OSBP2: variants seen among roughly 807,000 people sequenced by gnomAD.
The protein encoded by OSBP2 is oxysterol-binding protein 2.
Under a neutral mutation model 96.0 loss-of-function variants are expected in OSBP2, and 66 were observed. That is an observed-to-expected ratio of 0.69 (90% CI 0.56 to 0.84). The LOEUF is 0.84. Among genes scored for constraint, OSBP2 ranks in the 40% least tolerant of loss-of-function variants. OSBP2 has a pLI of 0.00. For synonymous variants in OSBP2, 525 were observed against 520.9 expected (o/e 1.01, Z -0.11); for missense variants, 1,038 against 1,222.7 (o/e 0.85, Z 2.25).
chr22:30,744,761 AAAACAAACAAAC>A (rs371095235), intron 2 of OSBP2, among the ~76,000 whole-genome samples: 1 of 152,014 alleles, frequency 6.6e-6, no homozygotes, highest in Non-Finnish European at 1.5e-5. Context: ...ACTCTGTCTC[AAAACAAACAAAC>A]AAACAAACAA....
Position 30,695,258 on chromosome 22 carries a change from G to A in OSBP2, c.349G>A (p.Gly117Arg), listed in dbSNP as rs2089005931. ...GSESSSGVGA[G>R]PFTKAASEPL... is the part of the protein sequence containing the mutation. ...AGAGTCAAGCTCAGGTGTAGGGGCT[G>A]GGCCCTTCACTAAGGCCGCATCGGA... is the stretch of plus-strand genomic sequence containing the variant. Residue 117 changes from glycine (G) to arginine (R), a missense_variant, in exon 1 of 14, where the codon GGG becomes AGG. Transcript: ENST00000332585. 6.2e-7 allele frequency: 1 copy of A among 1,613,366 alleles called. No homozygotes were observed. Among genetic ancestry groups the A allele is most frequent in the Non-Finnish European group, 8.5e-7 (1 of 1,180,018 alleles).
At chr22:30,756,177 T>A (rs1449843193) in intron 2 of OSBP2, among the ~76,000 whole-genome samples, 1 of 152,210 alleles carries the variant, frequency 6.6e-6, no homozygotes, top group Admixed American at 6.5e-5. Context: ...GTTTTTCTTT[T>A]CCTTTCTCAC....
chr22:30,725,196 A>C (rs867434858), intron 1 of OSBP2, among the ~76,000 whole-genome samples: 1 of 92,854 alleles, frequency 1.1e-5, no homozygotes, highest in East Asian at 3.1e-4. Context: ...AAACAAAAAA[A>C]CAAAAAAAAA....
rs146342152 is a variant in OSBP2 at position 30,775,341 on chromosome 22, C to G, written c.853+33972C>G. Among the ~76,000 whole-genome samples the G allele has an allele frequency of 5.7e-3, 863 of 152,182 alleles. 8 individuals carry two copies. Among genetic ancestry groups the G allele is most frequent in the African/African-American group, 0.02 (815 of 41,526 alleles). On this transcript the variant is annotated intron_variant, in intron 2 of 13. Coordinates refer to ENST00000332585, the MANE Select transcript of OSBP2 (RefSeq NM_030758.4). Reference sequence around the variant, plus strand: ...ACACAAAATCGACCAGGCGCAGTGGCTTATGCCTGCAATCCCAGCACTTTG... The same window carrying G: ...ACACAAAATCGACCAGGCGCAGTGGGTTATGCCTGCAATCCCAGCACTTTG...
At chr22:30,697,957 A>G (rs1280680802) in intron 1 of OSBP2, among the ~76,000 whole-genome samples, 3 of 152,174 alleles carry the variant, frequency 2.0e-5, no homozygotes, top group Non-Finnish European at 2.9e-5. Context: ...AGAGATGAGT[A>G]TATGTGCAGA....
At chr22:30,784,985 G>C (rs2090566967) in intron 2 of OSBP2, among the ~76,000 whole-genome samples, 1 of 152,050 alleles carries the variant, frequency 6.6e-6, no homozygotes, top group African/African-American at 2.4e-5. Context: ...CGTAGGCCAG[G>C]CTGGTCTTGA....
chr22:30,721,983 G>A (rs762678691), intron 1 of OSBP2, among the ~76,000 whole-genome samples: 23 of 152,278 alleles, frequency 1.5e-4, no homozygotes, highest in Middle Eastern at 6.8e-3. Context: ...TGTGGCTGCA[G>A]CTACCGAGAT....
At chr22:30,899,296 C>T (rs2040139555) in intron 12 of OSBP2, among the ~76,000 whole-genome samples, 1 of 151,740 alleles carries the variant, frequency 6.6e-6, no homozygotes, top group Admixed American at 6.6e-5. Context: ...GTCCCAGCTA[C>T]TCAGGAGGCT....
chr22:30,747,397 C>T (rs1281182314), intron 2 of OSBP2, among the ~76,000 whole-genome samples: 1 of 152,156 alleles, frequency 6.6e-6, no homozygotes, highest in Non-Finnish European at 1.5e-5. Context: ...AAGAGGATTG[C>T]TTGAGCCCAT....
At chr22:30,831,281 T>C (rs2038517761) in intron 2 of OSBP2, among the ~76,000 whole-genome samples, 1 of 152,236 alleles carries the variant, frequency 6.6e-6, no homozygotes, top group Admixed American at 6.5e-5. Flanking sequence ...ATGTGCCTTG[T>C]TTTCACTTGC....
chr22:30,893,014 A>T, intron 8 of OSBP2, 108 bp from the exon 9 acceptor site: 1 of 1,433,946 alleles, frequency 7.0e-7, no homozygotes, highest in Non-Finnish European at 9.6e-7. Flanking sequence ...TCCTATGGCC[A>T]CAGAGCTGTG....
At chr22:30,703,494 T>A (rs1047424358) in intron 1 of OSBP2, among the ~76,000 whole-genome samples, 11 of 141,954 alleles carry the variant, frequency 7.7e-5, no homozygotes, top group Admixed American at 4.2e-4. Flanking sequence ...TTTTTTTTTT[T>A]AGACAGAATC....
intron 3 of OSBP2, among the ~76,000 whole-genome samples, chr22:30,882,755 G>A (rs896501852): frequency 6.6e-6 from 1 of 152,230 alleles, no homozygotes; most frequent in African/African-American, 2.4e-5. Context: ...GCTATCAGCT[G>A]CCCGGATCTG....
At chr22:30,743,930 A>C (rs1191275031) in intron 2 of OSBP2, among the ~76,000 whole-genome samples, 3 of 152,158 alleles carry the variant, frequency 2.0e-5, no homozygotes, top group Non-Finnish European at 4.4e-5. Flanking sequence ...GGGACCCCTG[A>C]GGGAGTAACC....
At chr22:30,869,457 A>T (rs1602387499) in intron 2 of OSBP2, among the ~76,000 whole-genome samples, 1 of 152,242 alleles carries the variant, frequency 6.6e-6, no homozygotes. Flanking sequence ...AGATCGGTGA[A>T]GGGGAGCCTC....
At chr22:30,826,231 G>A (rs2038402836) in intron 2 of OSBP2, among the ~76,000 whole-genome samples, 1 of 152,150 alleles carries the variant, frequency 6.6e-6, no homozygotes, top group Admixed American at 6.5e-5. Context: ...GCTTGCCAAA[G>A]TGCACTGTCT....
At chr22:30,865,566 A>G (rs915533919) in intron 2 of OSBP2, among the ~76,000 whole-genome samples, 1 of 132,454 alleles carries the variant, frequency 7.5e-6, no homozygotes, top group Non-Finnish European at 1.6e-5. Context: ...CAGGAGGTGG[A>G]GGTTGCAGTG....
At chr22:30,830,885 C>CAA (rs136219) in intron 2 of OSBP2, among the ~76,000 whole-genome samples, 28,520 of 149,032 alleles carry the variant, frequency 0.19, 2,714 homozygotes, top group East Asian at 0.24. Context: ...CATTGAGATC[C>CAA]AAAAAAAAAA....
chr22:30,754,578 G>A (rs1349667458), intron 2 of OSBP2, among the ~76,000 whole-genome samples: 1 of 152,096 alleles, frequency 6.6e-6, no homozygotes, highest in Non-Finnish European at 1.5e-5. Context: ...GTTTCCCCGT[G>A]CCCCTTGGCT....
Sources: allele counts gnomAD v4.1 joint callset (sites outside exome capture counted in the v4.1 genomes callset), GRCh38; gene constraint gnomAD v4.1.1; transcripts MANE v1.5; gene names NCBI Gene and HGNC (gene_info 2026-07-23, HGNC 2026-07-21).